The following APBB2 variants were observed in gnomAD, a reference collection of about 807,000 sequenced individuals.
APBB2 encodes the protein Fe65-like 1.
APBB2 carries 38 observed loss-of-function variants against 82.5 expected under a neutral mutation model. The observed-to-expected ratio is 0.46, with a 90% confidence interval of 0.36 to 0.60. APBB2 has a LOEUF of 0.60. Ranked by LOEUF, APBB2 falls within the 20% of genes least tolerant of loss-of-function variation. The pLI is 0.00. For synonymous variants in APBB2, 341 were observed against 368.2 expected, an observed-to-expected ratio of 0.93 and a Z score of 0.85; for missense variants, 772 against 972.3, an observed-to-expected ratio of 0.79 and a Z score of 2.74.
At chr4:40,817,840 G>A (rs1472813745) in intron 17 of APBB2, among the ~76,000 whole-genome samples, 1 of 152,150 alleles carries the variant, frequency 6.6e-6, no homozygotes, top group African/African-American at 2.4e-5. Flanking sequence ...GAAATATGAT[G>A]ATTGATTACA....
Position 40,894,526 on chromosome 4 carries a change from GGC to G in APBB2, c.1255-1117_1255-1116del, listed in dbSNP as rs569722191. On this transcript the variant is annotated intron_variant, in intron 10 of 17. Transcript: ENST00000508593. ...AGGTGTTTTCTCTAATACCCAGAAA[GGC>G]AGCAAAACAAGGAAAAAAAGTATCC... is the stretch of plus-strand genomic sequence containing the variant. Among the ~76,000 whole-genome samples, 32 of 152,276 alleles carry G rather than the reference GGC, an allele frequency of 2.1e-4. No homozygotes were observed. The South Asian group carries it at 4.6e-3, about 22-fold the overall frequency.
At chr4:41,021,141 C>A (rs894373771) in intron 5 of APBB2, among the ~76,000 whole-genome samples, 3 of 152,160 alleles carry the variant, frequency 2.0e-5, no homozygotes, top group African/African-American at 7.2e-5. Context: ...GATGGTCTTA[C>A]AAATGGAACC....
intron 12 of APBB2, among the ~76,000 whole-genome samples, chr4:40,842,835 A>G (rs796464977): frequency 3.3e-4 from 50 of 152,188 alleles, no homozygotes; most frequent in African/African-American, 1.1e-3. Context: ...GAATCCAGGC[A>G]CTTTTCCTGA....
At chr4:41,125,881 A>G (rs1277514452) in intron 2 of APBB2, among the ~76,000 whole-genome samples, 1 of 152,148 alleles carries the variant, frequency 6.6e-6, no homozygotes, top group African/African-American at 2.4e-5. Context: ...GGTCCAATTC[A>G]CACCAAAGAC....
rs546337102 is a variant in APBB2 at position 40,811,753 on chromosome 4, A to G, written c.*4339T>C. The G allele has an allele frequency of 8.5e-5, 13 of 152,290 alleles. No homozygotes were observed. In the East Asian group the frequency reaches 2.5e-3, roughly 29 times the overall value. 9.4% of individuals were successfully genotyped at this position (152,290 alleles called of 1,614,324 possible). On this transcript the variant is annotated 3_prime_UTR_variant, in exon 18 of 18. Coordinates refer to ENST00000508593, the MANE Select transcript of APBB2 (RefSeq NM_004307.2). ...TATTTACCACCATATAATGCCTGAA[A>G]CCATAATGAAATTTTGTTACTGACT...
Position 40,820,386 on chromosome 4 carries a change from T to G in APBB2, c.2112+1485A>C, listed in dbSNP as rs1049046169. Reference sequence around the variant, plus strand: ...ACTCGTCTAAAATCTAAATACAGGCTGGGTGCGGTGGCTCATGCCGGTAAT... The same window carrying G: ...ACTCGTCTAAAATCTAAATACAGGCGGGGTGCGGTGGCTCATGCCGGTAAT... On this transcript the variant is annotated intron_variant, in intron 17 of 17. Transcript: ENST00000508593. 4.3e-4 allele frequency among the ~76,000 whole-genome samples: 65 copies of G among 152,172 alleles called. 1 individual carries two copies. Among genetic ancestry groups the G allele is most frequent in the Non-Finnish European group, 1.5e-4 (10 of 68,030 alleles).
chr4:41,085,050 A>C (rs1419160852), intron 3 of APBB2, among the ~76,000 whole-genome samples: 1 of 152,160 alleles, frequency 6.6e-6, no homozygotes, highest in Non-Finnish European at 1.5e-5. Flanking sequence ...GGAGATCGAG[A>C]CCATTCTGGC....
chr4:41,129,788 T>C (rs984512069), intron 2 of APBB2, among the ~76,000 whole-genome samples: 1 of 151,290 alleles, frequency 6.6e-6, no homozygotes, highest in Non-Finnish European at 1.5e-5. Flanking sequence ...TTGCAATTTA[T>C]ATATATAAAT....
At chr4:40,890,227 G>C in intron 12 of APBB2, 137 bp downstream of exon 12, 2 of 1,208,422 alleles carry the variant, frequency 1.7e-6, no homozygotes, top group Non-Finnish European at 2.2e-6. Flanking sequence ...CTAGAGACAA[G>C]CTTTCATTTT....
intron 1 of APBB2, among the ~76,000 whole-genome samples, chr4:41,163,746 C>G (rs984184522): frequency 6.6e-6 from 1 of 152,136 alleles, no homozygotes; most frequent in South Asian, 2.1e-4. Flanking sequence ...TCTCTGAGGC[C>G]TTCCATACTC....
intron 1 of APBB2, among the ~76,000 whole-genome samples, chr4:41,183,074 C>T (rs1336957892): frequency 1.3e-5 from 2 of 152,172 alleles, no homozygotes; most frequent in Non-Finnish European, 2.9e-5. Flanking sequence ...CTTGCAGTTG[C>T]CCAGGAGAGC....
intron 7 of APBB2, among the ~76,000 whole-genome samples, chr4:40,940,615 TG>T (rs1435018830): frequency 2.0e-5 from 3 of 152,088 alleles, no homozygotes; most frequent in Non-Finnish European, 4.4e-5. Flanking sequence ...GGCACCCTCC[TG>T]GGGGGGTTAG....
At chr4:40,974,787 G>A (rs1205291586) in intron 6 of APBB2, among the ~76,000 whole-genome samples, 1 of 152,198 alleles carries the variant, frequency 6.6e-6, no homozygotes, top group Non-Finnish European at 1.5e-5. Context: ...ATGGCATACA[G>A]TCGCTGCCTT....
At chr4:41,014,934 C>G (rs943749633) in intron 5 of APBB2, among the ~76,000 whole-genome samples, 3 of 152,196 alleles carry the variant, frequency 2.0e-5, no homozygotes, top group African/African-American at 7.2e-5. Context: ...GCCTGGAAAA[C>G]TAACCCTCCA....
rs117991024 is a variant in APBB2, at chr4:40,924,083, C to T, written c.1254+10373G>A. Among the ~76,000 whole-genome samples the T allele has an allele frequency of 2.0e-4, 30 of 152,346 alleles. No homozygotes were observed. The East Asian group carries it at 4.6e-3, about 24-fold the overall frequency. ...CCTGGCTTCGGGTCCTGCTCTGCCA[C>T]GACCAGCTGTGCAAGCTTGGGCAGG... On this transcript the variant is annotated intron_variant, in intron 10 of 17. Coordinates refer to ENST00000508593, the MANE Select transcript of APBB2 (RefSeq NM_004307.2).
At chr4:40,857,137 A>G (rs1761493237) in intron 12 of APBB2, 2 of 985,392 alleles carry the variant, frequency 2.0e-6, no homozygotes, top group African/African-American at 3.5e-5. Context: ...AGCCGCGCGC[A>G]CTGCCCCGGG....
chr4:40,814,599 T>A lies in APBB2; in HGVS notation c.*1493A>T, dbSNP rs1303771547. 1 of 152,242 alleles carries A rather than the reference T, an allele frequency of 6.6e-6. No homozygotes were observed. The highest frequency in any genetic ancestry group is 2.4e-5 in the African/African-American group (1 of 41,476). The allele number at this position is 152,242 out of a possible 1,614,324, so 9.4% of individuals were successfully genotyped here. On this transcript the variant is annotated 3_prime_UTR_variant, in exon 18 of 18. Coordinates refer to ENST00000508593, the MANE Select transcript of APBB2 (RefSeq NM_004307.2). The stretch of plus-strand genomic sequence containing the variant: ...TGTGGAAACCATTTTGACAAGTACA[T>A]AGCAGTGTATAAACATAAAGCATTA...
In APBB2 at chr4:40,832,849, C is replaced by T. The variant is rs1752508170; in HGVS notation, c.1530-2272G>A. Among the ~76,000 whole-genome samples, 2 of 152,200 alleles carry T rather than the reference C, an allele frequency of 1.3e-5. No individual in the cohort carries two copies. The highest frequency in any genetic ancestry group is 2.9e-5 in the Non-Finnish European group (2 of 68,036). On this transcript the variant is annotated intron_variant, in intron 12 of 17. Coordinates refer to ENST00000508593, the MANE Select transcript of APBB2 (RefSeq NM_004307.2). This position sits in a 1 kb window ranked among gnomAD's most constrained non-coding sequence, Gnocchi z 4.8. ...GCCTGGCGTATCACCGGTACTAATA[C>T]ATGTTTGCGGGCTGAGTACAAGTGT...
intron 3 of APBB2, among the ~76,000 whole-genome samples, chr4:41,098,357 T>C (rs1004040223): frequency 2.6e-5 from 4 of 152,128 alleles, no homozygotes; most frequent in Non-Finnish European, 5.9e-5. Context: ...GCAACTTTTT[T>C]ATTTTTTGTA....
Sources: gnomAD v4.1 joint callset for allele counts (sites outside exome capture counted in the v4.1 genomes callset) on GRCh38, gnomAD v4.1.1 for gene constraint, Gnocchi (gnomAD v3.1) non-coding constraint, MANE v1.5 for transcripts, NCBI Gene and HGNC (gene_info 2026-07-23, HGNC 2026-07-21) for gene names.